SH3PXD2A: variants seen among roughly 807,000 people sequenced by gnomAD.
SH3PXD2A encodes SH3 and PX domains 2A.
A neutral mutation model predicts 115.2 loss-of-function variants in SH3PXD2A; 32 were observed. That is an observed-to-expected ratio of 0.28 (90% confidence interval 0.21 to 0.37). SH3PXD2A has a LOEUF of 0.37. Ranked by LOEUF, SH3PXD2A falls within the 10% of genes least tolerant of loss-of-function variation. SH3PXD2A has a pLI of 1.00. For missense variants in SH3PXD2A, 1,328 were observed against 1,498.7 expected (o/e 0.89, Z 1.88); for synonymous variants, 610 against 629.1 (o/e 0.97, Z 0.45).
In SH3PXD2A at chr10:103,661,670, G is replaced by A. The variant is rs1467139577; in HGVS notation, c.473-556C>T. The A allele has an allele frequency of 4.1e-6, 4 of 985,074 alleles. No homozygotes were observed. In the African/African-American group the frequency reaches 5.2e-5, roughly 13 times the overall value. The allele number at this position is 985,074 out of a possible 1,614,324, so 61.0% of individuals were successfully genotyped here. On this transcript the variant is annotated intron_variant, in intron 7 of 14. Coordinates refer to ENST00000369774, the MANE Select transcript of SH3PXD2A (RefSeq NM_001394015.1). ...AAAGGCAGCCCTGCTCCCTCGGGCG[G>A]GAGAGGGAGAGGAGAGAGCGGGAGA...
At chr10:103,614,463 CAAAACA>C (rs1268130574) in intron 11 of SH3PXD2A, among the ~76,000 whole-genome samples, 2 of 151,978 alleles carry the variant, frequency 1.3e-5, no homozygotes, top group African/African-American at 4.8e-5. Flanking sequence ...AAAACCAAAG[CAAAACA>C]AAAACAAAAC....
chr10:103,716,889 A>G (rs1241348985), intron 5 of SH3PXD2A, among the ~76,000 whole-genome samples: 2 of 152,214 alleles, frequency 1.3e-5, no homozygotes, highest in Admixed American at 6.5e-5. Context: ...GAACGTGTGT[A>G]TGTATGTGGA....
intron 2 of SH3PXD2A, among the ~76,000 whole-genome samples, chr10:103,769,449 C>CTTTTT (rs33915699): frequency 2.2e-5 from 3 of 137,436 alleles, no homozygotes; most frequent in African/African-American, 8.2e-5. Flanking sequence ...TCTTCTTCTT[C>CTTTTT]TTTTTTTTTT....
At chr10:103,603,917 A>G (rs2036260684) in intron 14 of SH3PXD2A, 128 bp from the exon 15 acceptor site, 1 of 1,099,134 alleles carries the variant, frequency 9.1e-7, no homozygotes, top group African/African-American at 1.6e-5. Context: ...AAACCGAGCC[A>G]CTGAGTAAGT....
At chr10:103,707,082 A>G (rs968599330) in intron 5 of SH3PXD2A, among the ~76,000 whole-genome samples, 1 of 152,140 alleles carries the variant, frequency 6.6e-6, no homozygotes, top group African/African-American at 2.4e-5. Flanking sequence ...TACAGTGTCT[A>G]TGGCCTCCTT....
At chr10:103,814,408 C>T (rs1413933265) in intron 1 of SH3PXD2A, among the ~76,000 whole-genome samples, 4 of 152,176 alleles carry the variant, frequency 2.6e-5, no homozygotes, top group East Asian at 1.9e-4. Context: ...ATTTAAAGGA[C>T]TGTCAAAATG....
At position 103,855,267 on chromosome 10, in the gene SH3PXD2A, C is replaced by T; in HGVS notation, c.-1G>A. The stretch of plus-strand genomic sequence containing the variant: ...CATCCTGCACGCAGTAGGCGAGCAT[C>T]TTCCCCCACAAAGCGAGTGGCGCCC... On this transcript the variant is annotated 5_prime_UTR_variant, in exon 1 of 15. Coordinates refer to ENST00000369774, the MANE Select transcript of SH3PXD2A (RefSeq NM_001394015.1). 1.3e-6 allele frequency: 2 copies of T among 1,511,110 alleles called. No individual in the cohort carries two copies. The highest frequency in any genetic ancestry group is 1.3e-5 in the South Asian group (1 of 79,802). 93.6% of individuals were successfully genotyped at this position (1,511,110 alleles called of 1,614,324 possible). A position where few individuals can be genotyped will look rare whatever the true frequency, so the allele number is the denominator to read the frequency against.
intron 10 of SH3PXD2A, among the ~76,000 whole-genome samples, chr10:103,619,845 C>G: frequency 6.6e-6 from 1 of 152,326 alleles, no homozygotes; most frequent in South Asian, 2.1e-4. Flanking sequence ...ATGGGAGGCT[C>G]GTCCTGCCCC....
chr10:103,768,642 C>T (rs1403136668), intron 2 of SH3PXD2A, among the ~76,000 whole-genome samples: 6 of 152,092 alleles, frequency 3.9e-5, no homozygotes, highest in East Asian at 1.9e-4. Context: ...GCTCTAGCTA[C>T]GGCGTAGGGA....
intron 8 of SH3PXD2A, among the ~76,000 whole-genome samples, chr10:103,657,971 T>C (rs1307208599): frequency 3.9e-5 from 6 of 152,190 alleles, no homozygotes; most frequent in Non-Finnish European, 8.8e-5. Flanking sequence ...AGGGGAGAGA[T>C]CTTAGCTCTT....
chr10:103,793,339 T>A (rs146079996), intron 2 of SH3PXD2A, among the ~76,000 whole-genome samples: 46 of 152,346 alleles, frequency 3.0e-4, no homozygotes, highest in Middle Eastern at 3.4e-3. Context: ...GGTTTTTTTT[T>A]ATATAATTAT....
intron 2 of SH3PXD2A, among the ~76,000 whole-genome samples, chr10:103,767,454 CCAGAGGCTTT>C (rs1317205681): frequency 2.6e-5 from 4 of 152,182 alleles, no homozygotes; most frequent in African/African-American, 9.7e-5. Flanking sequence ...GGGGTAGGGA[CCAGAGGCTTT>C]CAGGCCAGGC....
At chr10:103,798,108 G>A (rs950878984) in intron 2 of SH3PXD2A, among the ~76,000 whole-genome samples, 32 of 152,250 alleles carry the variant, frequency 2.1e-4, no homozygotes, top group Middle Eastern at 3.4e-3. Context: ...ATCTGAAGAG[G>A]GAGACATAAG....
intron 1 of SH3PXD2A, among the ~76,000 whole-genome samples, chr10:103,803,052 C>T (rs2039162785): frequency 6.6e-6 from 1 of 152,206 alleles, no homozygotes; most frequent in South Asian, 2.1e-4. Flanking sequence ...CGTGGTGAGG[C>T]TTTGTGCTTG....
At chr10:103,707,170 A>C (rs1393658698) in intron 5 of SH3PXD2A, among the ~76,000 whole-genome samples, 1 of 151,584 alleles carries the variant, frequency 6.6e-6, no homozygotes, top group African/African-American at 2.4e-5. Flanking sequence ...GGTGCTTACT[A>C]TGTGCTAGCC....
Position 103,822,392 on chromosome 10 carries a change from G to A in SH3PXD2A, c.73-21030C>T, listed in dbSNP as rs544474254. 5.6e-4 allele frequency among the ~76,000 whole-genome samples: 86 copies of A among 152,368 alleles called. No homozygotes were observed. In the South Asian group the frequency reaches 0.016, roughly 28 times the overall value. The stretch of plus-strand genomic sequence containing the variant: ...TAACCCCTAGCTGTCCAAGTTCCCT[G>A]CAGAAATTCTGGAGCTCTCACACAG... On this transcript the variant is annotated intron_variant, in intron 1 of 14. Transcript: ENST00000369774.
intron 6 of SH3PXD2A, among the ~76,000 whole-genome samples, chr10:103,676,597 G>C (rs912714061): frequency 8.5e-5 from 13 of 152,150 alleles, no homozygotes; most frequent in African/African-American, 3.1e-4. Flanking sequence ...GAGAAGACCG[G>C]AAGCTTCCTG....
intron 3 of SH3PXD2A, among the ~76,000 whole-genome samples, chr10:103,750,440 C>T (rs1219451432): frequency 1.3e-5 from 2 of 152,190 alleles, no homozygotes; most frequent in Non-Finnish European, 2.9e-5. Flanking sequence ...TTTGGAAGGA[C>T]AGGGTCCCTG....
chr10:103,809,293 GGACTTTTCTAGTCCTGA>G (rs951567807), intron 1 of SH3PXD2A, among the ~76,000 whole-genome samples: 3 of 152,192 alleles, frequency 2.0e-5, no homozygotes, highest in African/African-American at 7.2e-5. Flanking sequence ...CCAGGCAGCA[GGACTTTTCTAGTCCTGA>G]GACCATCTGA....
Sources: allele counts gnomAD v4.1 joint callset (sites outside exome capture counted in the v4.1 genomes callset), GRCh38; gene constraint gnomAD v4.1.1; transcripts MANE v1.5; gene names NCBI Gene and HGNC (gene_info 2026-07-23, HGNC 2026-07-21).